PIK3R6: variants seen among roughly 807,000 people sequenced by gnomAD.
PIK3R6 encodes phosphoinositide-3-kinase regulatory subunit 6, also known as phosphoinositide 3-kinase regulatory subunit 6.
Under a neutral mutation model 84.9 loss-of-function variants are expected in PIK3R6, and 91 were observed. The ratio of observed to expected loss-of-function variants is 1.07; its 90% confidence interval spans 0.90 to 1.28. The LOEUF is 1.28. Among genes scored for constraint, PIK3R6 ranks in the 50% most tolerant of loss-of-function variants. PIK3R6 has a pLI of 0.00. For synonymous variants in PIK3R6, 416 were observed against 411.4 expected, an observed-to-expected ratio of 1.01 and a Z score of -0.13; for missense variants, 996 against 985.1, an observed-to-expected ratio of 1.01 and a Z score of -0.15.
In PIK3R6 at chr17:8,839,749, G is replaced by C. The variant is rs947202863; in HGVS notation, c.14-52C>G. 3 of 1,409,094 alleles carry C rather than the reference G, an allele frequency of 2.1e-6. No individual in the cohort carries two copies. The African/African-American group carries it at 4.3e-5, about 20-fold the overall frequency. 87.3% of individuals were successfully genotyped at this position (1,409,094 alleles called of 1,614,324 possible). A position where few individuals can be genotyped will look rare whatever the true frequency, so the allele number is the denominator to read the frequency against. ...ACTCAGTCCACTGAACCTCACCCTC[G>C]TCCCACCTCCATTCCTTCCGAGAGT... is the stretch of plus-strand genomic sequence containing the variant. On this transcript the variant is annotated intron_variant, in intron 2 of 19. Transcript: ENST00000619866. This position sits in a 1 kb window ranked among gnomAD's most constrained non-coding sequence, Gnocchi z 4.2.
intron 2 of PIK3R6, among the ~76,000 whole-genome samples, chr17:8,848,695 C>T (rs1473290250): frequency 5.3e-5 from 8 of 152,202 alleles, no homozygotes; most frequent in Admixed American, 6.5e-5. Context: ...AGGAGATTTT[C>T]ACAGAGCTTC....
intron 9 of PIK3R6, among the ~76,000 whole-genome samples, chr17:8,832,375 CTTTTT>C (rs759188865): frequency 7.7e-5 from 6 of 77,794 alleles, no homozygotes; most frequent in African/African-American, 2.2e-4. Flanking sequence ...TACCCACCTT[CTTTTT>C]TTTTTTTTTT....
chr17:8,815,137 T>C (rs1464838823), intron 18 of PIK3R6, among the ~76,000 whole-genome samples: 4 of 152,218 alleles, frequency 2.6e-5, no homozygotes, highest in African/African-American at 9.6e-5. Flanking sequence ...ACTACAGTAA[T>C]ATAATATGTT....
chr17:8,829,812 GTGGAGGCCA>G lies in PIK3R6; in HGVS notation c.803-29_803-21del, dbSNP rs1203343014. 1 of 1,544,910 alleles carries G rather than the reference GTGGAGGCCA, an allele frequency of 6.5e-7. No homozygotes were observed. On this transcript the variant is annotated intron_variant, in intron 9 of 19. Coordinates refer to ENST00000619866, the MANE Select transcript of PIK3R6 (RefSeq NM_001010855.4). ...GGTCACCTGCAGAAAGGAGCAGGCT[GTGGAGGCCA>G]TGGAGGAGGCCATGGGACCCTCCTC...
At chr17:8,809,864 T>C (rs981629162) in intron 18 of PIK3R6, among the ~76,000 whole-genome samples, 1 of 152,172 alleles carries the variant, frequency 6.6e-6, no homozygotes, top group African/African-American at 2.4e-5. Flanking sequence ...GGAGTAGCTA[T>C]ACTTATATCA....
intron 1 of PIK3R6, among the ~76,000 whole-genome samples, chr17:8,853,692 A>C (rs558473213): frequency 1.3e-5 from 2 of 151,736 alleles, no homozygotes; most frequent in Non-Finnish European, 2.9e-5. Flanking sequence ...AGCCAGGCAC[A>C]GTGGCTCACA....
chr17:8,818,417 G>A (rs113106789), intron 18 of PIK3R6, among the ~76,000 whole-genome samples: 3,803 of 152,236 alleles, frequency 0.025, 159 homozygotes, highest in African/African-American at 0.084. Context: ...GGGAGGCTGC[G>A]GCAGGTGCAT....
In PIK3R6 at chr17:8,829,752, G is replaced by C; in HGVS notation, c.843C>G (p.Pro281=). ...ACAAGTGGAAGGTGATGTAGGGGCT[G>C]GGCAGGGGAATGCTTGGTGGCCGCT... is the stretch of plus-strand genomic sequence containing the variant. ...VQERPPSIPL[P]SPYITFHLWT... Residue 281 remains proline (P), a synonymous_variant, in exon 10 of 20, where the codon CCC becomes CCG. Coordinates refer to ENST00000619866, the MANE Select transcript of PIK3R6 (RefSeq NM_001010855.4). 1 of 1,553,564 alleles carries C rather than the reference G, an allele frequency of 6.4e-7. No individual in the cohort carries two copies. The highest frequency in any genetic ancestry group is 8.7e-7 in the Non-Finnish European group (1 of 1,148,310).
Position 8,823,487 on chromosome 17 carries a change from A to G in PIK3R6, c.1526T>C (p.Leu509Pro), listed in dbSNP as rs371769528. The change falls in exon 14 of 20, where the codon CTG becomes CCG. Residue 509 changes from leucine to proline, a missense_variant. Coordinates refer to ENST00000619866, the MANE Select transcript of PIK3R6 (RefSeq NM_001010855.4). ...GGGGTCCACAGTCCGGGATGTGTCC[A>G]GGGAAGGAGGCTGTGATGGAGACAG... ...IHKLAEMPPS[L>P]DTSRTVDPFI... The G allele has an allele frequency of 3.7e-6, 6 of 1,608,250 alleles. No homozygotes were observed. The African/African-American group carries it at 5.3e-5, about 14-fold the overall frequency.
At chr17:8,864,788 C>T (rs1489630788) in intron 1 of PIK3R6, among the ~76,000 whole-genome samples, 3 of 152,036 alleles carry the variant, frequency 2.0e-5, no homozygotes, top group African/African-American at 4.8e-5. Flanking sequence ...CCACCCACCT[C>T]GGCCTCCCAA....
rs1261898059 is a variant in PIK3R6, at chr17:8,842,803, T to C, written c.14-3106A>G. Among the ~76,000 whole-genome samples the C allele has an allele frequency of 6.6e-6, 1 of 152,230 alleles. No individual in the cohort carries two copies. ...GGGATCTCTCTTCTTGGCTCCTTTT[T>C]GGTCCTCCTGCTTTATATTCTATTT... On this transcript the variant is annotated intron_variant, in intron 2 of 19. Coordinates refer to ENST00000619866, the MANE Select transcript of PIK3R6 (RefSeq NM_001010855.4). The surrounding 1 kb of genome is among the most constrained non-coding windows in gnomAD (Gnocchi z 4.5).
rs1474525125 is a variant in PIK3R6 at position 8,838,667 on chromosome 17, GA to G, written c.98-13del. On this transcript the variant is annotated splice_polypyrimidine_tract_variant and intron_variant, in intron 3 of 19. Transcript: ENST00000619866. ...CCACCTCCACATGCCTGGGCCAGGA[GA>G]AAGGGGAGCCCGGCATGAGCAGGTG... is the stretch of plus-strand genomic sequence containing the variant. 1.3e-6 allele frequency: 2 copies of G among 1,586,316 alleles called. No individual in the cohort carries two copies.
At chr17:8,829,631 CACACACTCATGCACGCAT>C in intron 10 of PIK3R6, 57 bp downstream of exon 10, 1 of 1,410,278 alleles carries the variant, frequency 7.1e-7, no homozygotes, top group African/African-American at 1.4e-5. Flanking sequence ...TGCACACTGA[CACACACTCATGCACGCAT>C]ACACACACAG....
intron 18 of PIK3R6, among the ~76,000 whole-genome samples, chr17:8,806,770 T>C (rs1836032439): frequency 6.6e-6 from 1 of 152,024 alleles, no homozygotes; most frequent in African/African-American, 2.4e-5. Context: ...GCTAAGGTCA[T>C]ATCTGACCCT....
chr17:8,810,403 C>A (rs1158492101), intron 18 of PIK3R6, among the ~76,000 whole-genome samples: 1 of 147,860 alleles, frequency 6.8e-6, no homozygotes, highest in Non-Finnish European at 1.5e-5. Flanking sequence ...ACTGCTGGCG[C>A]CTCCCAAATC....
intron 8 of PIK3R6, among the ~76,000 whole-genome samples, chr17:8,833,650 T>A (rs1171174063): frequency 6.6e-6 from 1 of 151,396 alleles, no homozygotes; most frequent in Non-Finnish European, 1.5e-5. Context: ...CAAGCGATTC[T>A]CCTGCCTCAG....
chr17:8,839,780 T>G lies in PIK3R6; in HGVS notation c.14-83A>C. 8.2e-7 allele frequency: 1 copy of G among 1,213,294 alleles called. No homozygotes were observed. The highest frequency in any genetic ancestry group is 1.2e-6 in the Non-Finnish European group (1 of 869,036). The allele number at this position is 1,213,294 out of a possible 1,614,324, so 75.2% of individuals were successfully genotyped here. ...CCTCCATTCCTTCCGAGAGTGTCTT[T>G]AGCCATTTCTCTGAGCCTCAGGAGG... On this transcript the variant is annotated intron_variant, in intron 2 of 19. Transcript: ENST00000619866. This position sits in a 1 kb window ranked among gnomAD's most constrained non-coding sequence, Gnocchi z 4.2.
intron 1 of PIK3R6, among the ~76,000 whole-genome samples, 151 bp downstream of exon 1, chr17:8,867,378 A>ACGGCCCTGG (rs1264905655): frequency 1.3e-5 from 2 of 152,126 alleles, no homozygotes; most frequent in Non-Finnish European, 2.9e-5. Context: ...TCTCAGAAAG[A>ACGGCCCTGG]CGGCCCTGGC....
chr17:8,836,432 C>G, intron 7 of PIK3R6, 115 bp downstream of exon 7: 1 of 1,117,662 alleles, frequency 8.9e-7, no homozygotes. Context: ...CTGGGGAGGT[C>G]TGCTAGGGCT....
Sources: gnomAD v4.1 joint callset for allele counts (sites outside exome capture counted in the v4.1 genomes callset) on GRCh38, gnomAD v4.1.1 for gene constraint, Gnocchi (gnomAD v3.1) non-coding constraint, MANE v1.5 for transcripts, NCBI Gene and HGNC (gene_info 2026-07-23, HGNC 2026-07-21) for gene names.